The following ART3 variants were observed in gnomAD, a reference collection of about 807,000 sequenced individuals.
The protein encoded by ART3 is ADP-ribosyltransferase 3 (inactive).
In ART3, 49 loss-of-function variants were observed where a neutral mutation model predicts 48.5. The ratio of observed to expected loss-of-function variants is 1.01; its 90% confidence interval spans 0.80 to 1.28. The LOEUF is 1.28. Ranked by LOEUF, ART3 falls within the 50% of genes most tolerant of loss-of-function variation. The pLI is 0.00. For missense variants in ART3, 438 were observed against 454.3 expected, an observed-to-expected ratio of 0.96 and a Z score of 0.33; for synonymous variants, 145 against 157.2, an observed-to-expected ratio of 0.92 and a Z score of 0.58.
At chr4:76,034,800 T>C (rs1734196511) in intron 1 of ART3, 1 of 1,552,004 alleles carries the variant, frequency 6.4e-7, no homozygotes, top group Non-Finnish European at 8.9e-7. Context: ...TTTTTAAAAA[T>C]TCTTTCTTTC....
chr4:76,023,665 G>A (rs1032493588), intron 1 of ART3, among the ~76,000 whole-genome samples: 5 of 152,070 alleles, frequency 3.3e-5, no homozygotes, highest in African/African-American at 7.2e-5. Flanking sequence ...TCCAAGTTAC[G>A]GAATTTCCCT....
chr4:76,068,351 G>A (rs538298120), intron 1 of ART3, among the ~76,000 whole-genome samples: 1 of 152,200 alleles, frequency 6.6e-6, no homozygotes, highest in East Asian at 1.9e-4. Flanking sequence ...TTCAAAGCAT[G>A]TTTATTGAGA....
chr4:76,103,674 T>C (rs1727831097), intron 8 of ART3, among the ~76,000 whole-genome samples: 1 of 152,118 alleles, frequency 6.6e-6, no homozygotes, highest in African/African-American at 2.4e-5. Context: ...AACTGATATA[T>C]TGGGACTGCC....
intron 2 of ART3, among the ~76,000 whole-genome samples, chr4:76,077,199 A>G (rs1296534864): frequency 1.3e-5 from 2 of 152,040 alleles, no homozygotes; most frequent in Non-Finnish European, 2.9e-5. Context: ...TCCATCCCCC[A>G]TTCCCTGGCA....
chr4:76,051,540 G>A (rs1048031828), intron 1 of ART3, among the ~76,000 whole-genome samples: 1 of 152,266 alleles, frequency 6.6e-6, no homozygotes, highest in East Asian at 1.9e-4. Context: ...CCAAAGTGAT[G>A]ATGAATTTTT....
At chr4:76,096,446 G>A (rs376001426) in intron 3 of ART3, among the ~76,000 whole-genome samples, 6 of 152,284 alleles carry the variant, frequency 3.9e-5, no homozygotes, top group African/African-American at 1.4e-4. Flanking sequence ...TAGGAGCCAG[G>A]CCTCTCTAGG....
Position 76,034,841 on chromosome 4 carries a change from A to T in ART3, c.-10+23521A>T, listed in dbSNP as rs540482675. 3.2e-4 allele frequency: 501 copies of T among 1,553,686 alleles called. 3 individuals carry two copies. Among genetic ancestry groups the T allele is most frequent in the Non-Finnish European group, 5.1e-5 (58 of 1,129,928 alleles). ...TCTGGAATAAGAAAACAAGAGTTTT[A>T]TTTACTTGGGCTGTTCTTGTTTCCC... On this transcript the variant is annotated intron_variant, in intron 1 of 9. Coordinates refer to the ART3 transcript ENST00000341029.
chr4:76,023,368 T>C (rs1385853414), intron 1 of ART3: 2 of 1,609,650 alleles, frequency 1.2e-6, no homozygotes, highest in Non-Finnish European at 8.5e-7. Context: ...TGATGTTCCT[T>C]ACCTTGAATG....
At chr4:76,108,532 C>T (rs1728887267) in intron 11 of ART3, among the ~76,000 whole-genome samples, 1 of 151,592 alleles carries the variant, frequency 6.6e-6, no homozygotes, top group Non-Finnish European at 1.5e-5. Flanking sequence ...TATCCCTCTA[C>T]CTCCACTCCA....
chr4:76,086,061 C>T (rs1054637669), intron 3 of ART3, among the ~76,000 whole-genome samples: 29 of 118,326 alleles, frequency 2.5e-4, no homozygotes, highest in Admixed American at 7.1e-4. Context: ...AACAAGAGTC[C>T]CCCCCCCCGC....
chr4:76,023,758 C>T (rs1733109946), intron 1 of ART3, among the ~76,000 whole-genome samples: 1 of 152,120 alleles, frequency 6.6e-6, no homozygotes, highest in Admixed American at 6.5e-5. Context: ...AACTTCATTG[C>T]ATATAGAAAA....
intron 1 of ART3, among the ~76,000 whole-genome samples, chr4:76,022,206 A>G (rs545676162): frequency 7.3e-4 from 111 of 152,292 alleles, no homozygotes; most frequent in Non-Finnish European, 1.3e-3. Context: ...ATCACACAAG[A>G]TGGTGCCTCA....
Position 76,027,939 on chromosome 4 carries a change from A to C in ART3, c.-10+16619A>C, listed in dbSNP as rs561334976. On this transcript the variant is annotated intron_variant, in intron 1 of 9. Transcript: ENST00000341029. ...CAAATCTCAGATAGACTAAGATGAA[A>C]ATTAAAAGACAGTGTATCCATTTAC... Among the ~76,000 whole-genome samples the C allele has an allele frequency of 3.9e-5, 6 of 152,204 alleles. No homozygotes were observed. In the East Asian group the frequency reaches 9.7e-4, roughly 25 times the overall value.
intron 1 of ART3, among the ~76,000 whole-genome samples, chr4:76,037,652 G>A (rs1167570016): frequency 6.6e-6 from 1 of 151,566 alleles, no homozygotes; most frequent in African/African-American, 2.4e-5. Flanking sequence ...TAATTTGAAA[G>A]GAATACATTG....
At chr4:76,022,245 G>T (rs1303587049) in intron 1 of ART3, 4 of 788,726 alleles carry the variant, frequency 5.1e-6, no homozygotes, top group Non-Finnish European at 8.7e-6. Context: ...GTAGGGGAGG[G>T]CGTGGTGGTA....
At chr4:76,073,618 C>T (rs149798475), upstream of ART3, among the ~76,000 whole-genome samples, 164 of 152,266 alleles carry the variant, frequency 1.1e-3, 3 homozygotes, top group African/African-American at 3.7e-3. Flanking sequence ...TGAATTTTCA[C>T]AAACTGAATT....
In ART3 at chr4:76,082,274, G is replaced by A. The variant is rs1578469878; in HGVS notation, c.520G>A (p.Gly174Arg). ...TSQGTSFTFG[G>R]LNQARFGHFT... ...CCAGGGCACTTCATTTACATTTGGA[G>A]GGCTAAACCAAGCCAGGTTTGGCCA... is the stretch of plus-strand genomic sequence containing the variant. Residue 174 changes from glycine to arginine, a missense_variant, in exon 3 of 12, where the codon GGG becomes AGG. Transcript: ENST00000355810. 1 of 1,614,176 alleles carries A rather than the reference G, an allele frequency of 6.2e-7. No individual in the cohort carries two copies. Among genetic ancestry groups the A allele is most frequent in the Non-Finnish European group, 8.5e-7 (1 of 1,180,038 alleles).
chr4:76,068,086 A>G (rs1042807989), intron 1 of ART3, among the ~76,000 whole-genome samples: 3 of 152,172 alleles, frequency 2.0e-5, no homozygotes, highest in African/African-American at 7.2e-5. Context: ...TGGGATACAT[A>G]TATATCTGGG....
intron 3 of ART3, among the ~76,000 whole-genome samples, chr4:76,088,830 C>T (rs1189020349): frequency 1.3e-5 from 2 of 152,054 alleles, no homozygotes; most frequent in Non-Finnish European, 2.9e-5. Flanking sequence ...AAACAGACAC[C>T]GCCATACTTG....
Sources: allele counts gnomAD v4.1 joint callset (sites outside exome capture counted in the v4.1 genomes callset), GRCh38; gene constraint gnomAD v4.1.1; transcripts MANE v1.5; gene names NCBI Gene and HGNC (gene_info 2026-07-23, HGNC 2026-07-21).